CNTNAP5: variants seen among roughly 807,000 people sequenced by gnomAD.
CNTNAP5 encodes contactin associated protein family member 5, also known as contactin-associated protein-like 5.
A neutral mutation model predicts 150.2 loss-of-function variants in CNTNAP5; 72 were observed. The ratio of observed to expected loss-of-function variants is 0.48; its 90% CI spans 0.40 to 0.58. The LOEUF is 0.58. CNTNAP5 is among the 20% of genes least tolerant of loss of function. CNTNAP5 has a pLI of 0.00. For missense variants in CNTNAP5, 1,636 were observed against 1,626.2 expected (o/e 1.01, Z -0.10); for synonymous variants, 672 against 619.8 (o/e 1.08, Z -1.25).
chr2:124,249,961 TTGTGTGTGTGTGTG>T (rs36078434), intron 3 of CNTNAP5, among the ~76,000 whole-genome samples: 6 of 118,618 alleles, frequency 5.1e-5, no homozygotes, highest in African/African-American at 1.8e-4. Context: ...ATGAATTCTT[TTGTGTGTGTGTGTG>T]TGTGTGTGTG....
chr2:124,894,558 T>C (rs1678264954), intron 21 of CNTNAP5, among the ~76,000 whole-genome samples: 1 of 151,074 alleles, frequency 6.6e-6, no homozygotes, highest in South Asian at 2.1e-4. Context: ...TTTTTCTTTT[T>C]CTTTTTTTTT....
At chr2:124,607,900 A>G (rs939140128) in intron 11 of CNTNAP5, among the ~76,000 whole-genome samples, 20 of 152,192 alleles carry the variant, frequency 1.3e-4, no homozygotes, top group African/African-American at 4.6e-4. Flanking sequence ...TAATCTGTAC[A>G]TTATGCTCAC....
intron 1 of CNTNAP5, among the ~76,000 whole-genome samples, chr2:124,123,419 G>A (rs1278775713): frequency 6.6e-6 from 1 of 152,132 alleles, no homozygotes; most frequent in Non-Finnish European, 1.5e-5. Context: ...CTTGAACTGG[G>A]TGGAGTCCAC....
intron 14 of CNTNAP5, among the ~76,000 whole-genome samples, chr2:124,758,663 A>G (rs1041170544): frequency 9.2e-5 from 14 of 152,084 alleles, no homozygotes; most frequent in African/African-American, 3.4e-4. Flanking sequence ...CAATTATCTG[A>G]AGAAAATTTG....
intron 3 of CNTNAP5, among the ~76,000 whole-genome samples, chr2:124,256,067 A>G (rs1292786501): frequency 6.6e-6 from 1 of 152,184 alleles, no homozygotes; most frequent in Non-Finnish European, 1.5e-5. Flanking sequence ...CCTAAGAGAT[A>G]AGGCTTGATA....
At chr2:124,319,141 G>A (rs1436071545) in intron 3 of CNTNAP5, among the ~76,000 whole-genome samples, 7 of 152,224 alleles carry the variant, frequency 4.6e-5, no homozygotes, top group African/African-American at 1.7e-4. Flanking sequence ...CACTTGTTGA[G>A]TGAATGACAA....
At chr2:124,657,074 G>T (rs770511839) in intron 13 of CNTNAP5, among the ~76,000 whole-genome samples, 4 of 152,130 alleles carry the variant, frequency 2.6e-5, no homozygotes, top group Non-Finnish European at 4.4e-5. Context: ...TTATCCAGCG[G>T]CAAGGAGAAC....
chr2:124,499,847 G>T (rs771897034), intron 7 of CNTNAP5, among the ~76,000 whole-genome samples: 7 of 152,132 alleles, frequency 4.6e-5, no homozygotes, highest in Non-Finnish European at 1.0e-4. Context: ...ATACATATAT[G>T]AAAGAGAAAT....
At chr2:124,350,661 A>C (rs1689856213) in intron 3 of CNTNAP5, among the ~76,000 whole-genome samples, 2 of 152,066 alleles carry the variant, frequency 1.3e-5, no homozygotes, top group Non-Finnish European at 2.9e-5. Flanking sequence ...GGTATAAAAT[A>C]TTTTTATTAG....
At chr2:124,287,766 A>G (rs1289143331) in intron 3 of CNTNAP5, among the ~76,000 whole-genome samples, 1 of 152,188 alleles carries the variant, frequency 6.6e-6, no homozygotes, top group African/African-American at 2.4e-5. Context: ...GGAGTCTGCA[A>G]TATTTCTATA....
At chr2:124,651,936 C>T (rs980244576) in intron 13 of CNTNAP5, among the ~76,000 whole-genome samples, 4 of 152,134 alleles carry the variant, frequency 2.6e-5, no homozygotes, top group Non-Finnish European at 5.9e-5. Flanking sequence ...TGCCTGCTCT[C>T]GGCTCCAGCA....
intron 12 of CNTNAP5, among the ~76,000 whole-genome samples, chr2:124,615,478 A>T (rs140327921): frequency 6.6e-6 from 1 of 152,330 alleles, no homozygotes; most frequent in East Asian, 1.9e-4. Flanking sequence ...AAATTTTATC[A>T]TGAGAATATA....
chr2:124,058,906 G>A (rs1203639326), intron 1 of CNTNAP5, among the ~76,000 whole-genome samples: 3 of 152,144 alleles, frequency 2.0e-5, no homozygotes, highest in Non-Finnish European at 4.4e-5. Flanking sequence ...CAATCTGCCA[G>A]GGATATTTAA....
At chr2:124,730,642 C>T (rs896056674) in intron 13 of CNTNAP5, among the ~76,000 whole-genome samples, 43 of 151,766 alleles carry the variant, frequency 2.8e-4, no homozygotes, top group Non-Finnish European at 4.4e-5. Flanking sequence ...TTGATTTTAT[C>T]TAGTTTTATA....
chr2:124,279,247 GTC>G (rs1491525518), intron 3 of CNTNAP5, among the ~76,000 whole-genome samples: 11 of 145,700 alleles, frequency 7.5e-5, no homozygotes, highest in East Asian at 6.1e-4. Context: ...GTGTGTGTGT[GTC>G]TGTGTGTGTG....
Position 124,187,637 on chromosome 2 carries a change from A to C in CNTNAP5, c.83-34068A>C, listed in dbSNP as rs535387428. Among the ~76,000 whole-genome samples the C allele has an allele frequency of 4.6e-5, 7 of 152,270 alleles. No individual in the cohort carries two copies. In the South Asian group the frequency reaches 1.5e-3, roughly 32 times the overall value. On this transcript the variant is annotated intron_variant, in intron 1 of 23. Transcript: ENST00000682447. ...CAAAAACAAGGTGGTGAGTTGCCCA[A>C]ATAGGAACTTCACTGGTATAAAGTC...
At chr2:124,036,085 C>T (rs1276375911) in intron 1 of CNTNAP5, among the ~76,000 whole-genome samples, 7 of 150,502 alleles carry the variant, frequency 4.7e-5, no homozygotes, top group Middle Eastern at 3.5e-3. Flanking sequence ...CCACCGCGCC[C>T]GGCTAATTTT....
At position 124,039,202 on chromosome 2, in the gene CNTNAP5, G is replaced by A. The variant is rs1012958978; in HGVS notation, c.82+13470G>A. 3.9e-5 allele frequency among the ~76,000 whole-genome samples: 6 copies of A among 152,274 alleles called. No homozygotes were observed. In the East Asian group the frequency reaches 1.2e-3, roughly 29 times the overall value. ...ATAGCTGTTTGTATTTTAAATAACT[G>A]TTTTGTGAAAGCGCTTGCATTATCT... On this transcript the variant is annotated intron_variant, in intron 1 of 23. Transcript: ENST00000682447.
At chr2:124,338,104 A>G (rs958739094) in intron 3 of CNTNAP5, among the ~76,000 whole-genome samples, 1 of 151,950 alleles carries the variant, frequency 6.6e-6, no homozygotes, top group Non-Finnish European at 1.5e-5. Flanking sequence ...TTGGATTCCT[A>G]GGTATTTTAT....
Sources: allele counts gnomAD v4.1 joint callset (sites outside exome capture counted in the v4.1 genomes callset), GRCh38; gene constraint gnomAD v4.1.1; transcripts MANE v1.5; gene names NCBI Gene and HGNC (gene_info 2026-07-23, HGNC 2026-07-21).